PSMB7: variants seen among roughly 807,000 people sequenced by gnomAD.
The protein encoded by PSMB7 is proteasome subunit beta type-7.
Under a neutral mutation model 28.1 loss-of-function variants are expected in PSMB7, and 5 were observed. That is an observed-to-expected ratio of 0.18 (90% CI 0.09 to 0.37). PSMB7 has a LOEUF of 0.37. PSMB7 is among the 10% of genes least tolerant of loss of function. The probability of loss-of-function intolerance (pLI) is 1.00; values close to 1 mark genes in which losing one functional copy is unlikely to be tolerated. For missense variants in PSMB7, 275 were observed against 346.2 expected (o/e 0.79, Z 1.63); for synonymous variants, 122 against 123.7 (o/e 0.99, Z 0.09).
intron 4 of PSMB7, among the ~76,000 whole-genome samples, chr9:124,410,922 G>A (rs780211169): frequency 2.0e-5 from 3 of 152,062 alleles, no homozygotes; most frequent in South Asian, 2.1e-4. Flanking sequence ...ATGAGTTCCC[G>A]AAGATTACGG....
chr9:124,415,144 G>A (rs992180130), intron 1 of PSMB7: 8 of 634,160 alleles, frequency 1.3e-5, no homozygotes, highest in African/African-American at 9.2e-5. Context: ...AGGAGACGGA[G>A]ATAAACGGTG....
chr9:124,364,629 C>T (rs1026943115), intron 6 of PSMB7, among the ~76,000 whole-genome samples: 15 of 152,026 alleles, frequency 9.9e-5, no homozygotes, highest in Non-Finnish European at 1.9e-4. Context: ...ATAAGATCCT[C>T]ATCACATTTC....
intron 5 of PSMB7, among the ~76,000 whole-genome samples, chr9:124,387,094 AC>A (rs1461051788): frequency 6.6e-6 from 1 of 152,056 alleles, no homozygotes; most frequent in African/African-American, 2.4e-5. Context: ...AAAATACAAA[AC>A]ATTAGCCGAG....
rs1012196663 is a variant in PSMB7 at position 124,356,243 on chromosome 9, C to G, written c.722+521G>C. On this transcript the variant is annotated intron_variant, in intron 7 of 7. Coordinates refer to ENST00000259457, the MANE Select transcript of PSMB7 (RefSeq NM_002799.4). This position sits in a 1 kb window ranked among gnomAD's most constrained non-coding sequence, Gnocchi z 4.4. ...CTTCTCCCACTGCTCTGAGTCTGCG[C>G]TGCACCACTGAGCCGAGGGGCCCAC... is the stretch of plus-strand genomic sequence containing the variant. Among the ~76,000 whole-genome samples, 2 of 152,234 alleles carry G rather than the reference C, an allele frequency of 1.3e-5. No individual in the cohort carries two copies. The highest frequency in any genetic ancestry group is 4.8e-5 in the African/African-American group (2 of 41,460).
chr9:124,415,063 C>G, intron 1 of PSMB7, 128 bp from the exon 2 acceptor site: 1 of 662,066 alleles, frequency 1.5e-6, no homozygotes. Context: ...TTTAATGAAT[C>G]CTCCCACCAT....
chr9:124,411,921 A>C (rs991564717), intron 4 of PSMB7, among the ~76,000 whole-genome samples: 1 of 151,930 alleles, frequency 6.6e-6, no homozygotes, highest in Non-Finnish European at 1.5e-5. Context: ...CTGACAGCCA[A>C]TTATAAATAT....
chr9:124,404,090 A>T (rs1174739793), intron 5 of PSMB7, among the ~76,000 whole-genome samples: 1 of 151,822 alleles, frequency 6.6e-6, no homozygotes, highest in African/African-American at 2.4e-5. Flanking sequence ...GGGTCTTGCT[A>T]TGTTGCCTAG....
intron 6 of PSMB7, among the ~76,000 whole-genome samples, chr9:124,375,848 C>T (rs112393499): frequency 0.04 from 6,018 of 152,218 alleles, 409 homozygotes; most frequent in African/African-American, 0.14. Flanking sequence ...GTGTGGGTTC[C>T]GCCAGCAAAC....
chr9:124,400,804 T>C (rs1490738212), intron 5 of PSMB7, among the ~76,000 whole-genome samples: 7 of 152,232 alleles, frequency 4.6e-5, no homozygotes, highest in Non-Finnish European at 1.0e-4. Context: ...TAAGAATTTA[T>C]CTAAATGAAG....
At chr9:124,382,200 C>CTTTTTTTTTT (rs1164339420) in intron 6 of PSMB7, among the ~76,000 whole-genome samples, 1 of 55,962 alleles carries the variant, frequency 1.8e-5, no homozygotes, top group Non-Finnish European at 3.1e-5. Flanking sequence ...TCTCTTTTCT[C>CTTTTTTTTTT]TTTTTTTTTT....
intron 4 of PSMB7, among the ~76,000 whole-genome samples, chr9:124,406,172 G>A (rs1472797052): frequency 2.6e-5 from 4 of 152,092 alleles, no homozygotes; most frequent in Non-Finnish European, 5.9e-5. Context: ...CAATGAGGAG[G>A]TGCTAAGCTC....
chr9:124,361,348 G>A (rs937979295), intron 6 of PSMB7, among the ~76,000 whole-genome samples: 1 of 152,190 alleles, frequency 6.6e-6, no homozygotes, highest in African/African-American at 2.4e-5. Context: ...CATGACAAAT[G>A]GGCAGCACTT....
At chr9:124,385,705 C>T (rs1448689759) in intron 5 of PSMB7, among the ~76,000 whole-genome samples, 8 of 152,246 alleles carry the variant, frequency 5.3e-5, no homozygotes, top group African/African-American at 1.7e-4. Context: ...TTGTGTACAT[C>T]GCTTGACCAC....
intron 6 of PSMB7, among the ~76,000 whole-genome samples, chr9:124,366,960 T>G (rs1482009386): frequency 6.6e-6 from 1 of 152,192 alleles, no homozygotes; most frequent in East Asian, 1.9e-4. Flanking sequence ...GATGACAAAA[T>G]CACCTAAGGA....
chr9:124,355,847 C>T (rs1482941935), intron 7 of PSMB7, among the ~76,000 whole-genome samples: 2 of 152,218 alleles, frequency 1.3e-5, no homozygotes, highest in African/African-American at 4.8e-5. Context: ...TTGAGTGCAG[C>T]CCACAGTGAA....
rs1830409281 is a variant in PSMB7, at chr9:124,356,548, C to G, written c.722+216G>C. ...GGCTCTTTCCTGGGCCACCCTCCAC[C>G]TCTCCCATCAAATTAAATCACTTTC... is the stretch of plus-strand genomic sequence containing the variant. On this transcript the variant is annotated intron_variant, in intron 7 of 7. Coordinates refer to ENST00000259457, the MANE Select transcript of PSMB7 (RefSeq NM_002799.4). The surrounding 1 kb of genome is among the most constrained non-coding windows in gnomAD (Gnocchi z 4.4). 6.6e-6 allele frequency among the ~76,000 whole-genome samples: 1 copy of G among 152,178 alleles called. No homozygotes were observed. Among genetic ancestry groups the G allele is most frequent in the African/African-American group, 2.4e-5 (1 of 41,432 alleles).
chr9:124,355,201 C>T (rs1215417931), intron 7 of PSMB7, among the ~76,000 whole-genome samples: 1 of 152,216 alleles, frequency 6.6e-6, no homozygotes, highest in African/African-American at 2.4e-5. Context: ...GGAGCAGGCT[C>T]CCTGCAGGTT....
chr9:124,384,591 T>A lies in PSMB7; in HGVS notation c.570+7A>T, dbSNP rs1457962715. ...GAAAAAGAATAAAACTGCAGGGACT[T>A]ACATACCTCCATGTCTGGCCTAAAC... On this transcript the variant is annotated splice_region_variant and intron_variant, in intron 6 of 7. Transcript: ENST00000259457. 1 of 1,609,650 alleles carries A rather than the reference T, an allele frequency of 6.2e-7. No homozygotes were observed. The highest frequency in any genetic ancestry group is 2.2e-5 in the East Asian group (1 of 44,794).
intron 6 of PSMB7, among the ~76,000 whole-genome samples, chr9:124,368,375 T>G (rs1208760727): frequency 6.6e-6 from 1 of 152,268 alleles, no homozygotes; most frequent in Admixed American, 6.5e-5. Context: ...GCAAATATAT[T>G]GCTTAAATTA....
Sources: gnomAD v4.1 joint callset for allele counts (sites outside exome capture counted in the v4.1 genomes callset) on GRCh38, gnomAD v4.1.1 for gene constraint, Gnocchi (gnomAD v3.1) non-coding constraint, MANE v1.5 for transcripts, NCBI Gene and HGNC (gene_info 2026-07-23, HGNC 2026-07-21) for gene names.